GPR107: variants seen among roughly 807,000 people sequenced by gnomAD.
GPR107 encodes protein GPR107.
In GPR107, 31 loss-of-function variants were observed where a neutral mutation model predicts 75.5. The ratio of observed to expected loss-of-function variants is 0.41; its 90% CI spans 0.31 to 0.55. The LOEUF (loss-of-function observed/expected upper bound fraction) is 0.55, where lower values mean the gene tolerates loss of function less well. Among genes scored for constraint, GPR107 ranks in the 20% least tolerant of loss-of-function variants. The pLI is 0.26. For synonymous variants in GPR107, 267 were observed against 251.3 expected (o/e 1.06, Z -0.59); for missense variants, 572 against 665.7 (o/e 0.86, Z 1.55).
chr9:130,094,683 T>G (rs2132596945), intron 9 of GPR107, among the ~76,000 whole-genome samples: 1 of 151,934 alleles, frequency 6.6e-6, no homozygotes, highest in South Asian at 2.1e-4. Context: ...TTGTTTTTGT[T>G]TTTTTTTGTT....
At chr9:130,079,055 T>C (rs1274545757) in intron 4 of GPR107, among the ~76,000 whole-genome samples, 2 of 152,132 alleles carry the variant, frequency 1.3e-5, no homozygotes, top group African/African-American at 4.8e-5. Flanking sequence ...ACCTCCCAGG[T>C]TCAAGCGATT....
intron 16 of GPR107, among the ~76,000 whole-genome samples, chr9:130,128,250 A>T (rs1831732834): frequency 6.6e-6 from 1 of 152,138 alleles, no homozygotes; most frequent in South Asian, 2.1e-4. Flanking sequence ...TGCCCATTTT[A>T]TTATTTCGAT....
intron 14 of GPR107, among the ~76,000 whole-genome samples, chr9:130,109,317 C>G (rs186278224): frequency 6.6e-6 from 1 of 152,012 alleles, no homozygotes; most frequent in East Asian, 1.9e-4. Flanking sequence ...ATTACAGGTG[C>G]CTGCTACCAC....
chr9:130,138,431 C>T lies in GPR107; in HGVS notation c.*3310C>T, dbSNP rs1345991149. ...CCTCCCTCTTCTCTCCTCCTCTGCC[C>T]TCGCCCTTCCCCCTTCCCCATCCCC... is the stretch of plus-strand genomic sequence containing the variant. On this transcript the variant is annotated 3_prime_UTR_variant, in exon 18 of 18. Transcript: ENST00000347136. 2 of 149,432 alleles carry T rather than the reference C, an allele frequency of 1.3e-5. No individual in the cohort carries two copies. Among genetic ancestry groups the T allele is most frequent in the Non-Finnish European group, 3.0e-5 (2 of 67,362 alleles). The allele number at this position is 149,432 out of a possible 1,614,324, so 9.3% of individuals were successfully genotyped here.
At position 130,080,923 on chromosome 9, in the gene GPR107, T is replaced by C. The variant is rs568874086; in HGVS notation, c.526+1154T>C. 3.3e-5 allele frequency among the ~76,000 whole-genome samples: 5 copies of C among 151,796 alleles called. No individual in the cohort carries two copies. In the East Asian group the frequency reaches 9.8e-4, roughly 30 times the overall value. On this transcript the variant is annotated intron_variant, in intron 5 of 17. Coordinates refer to ENST00000347136, the MANE Select transcript of GPR107 (RefSeq NM_020960.5). Reference sequence around the variant, plus strand: ...ATTCATGTGAGTTCTTTAAAGATAATTTATGGCCAGGTGCAGTGGCTCACG... The same window carrying C: ...ATTCATGTGAGTTCTTTAAAGATAACTTATGGCCAGGTGCAGTGGCTCACG...
At chr9:130,078,716 C>G (rs1308162270) in intron 4 of GPR107, among the ~76,000 whole-genome samples, 2 of 152,200 alleles carry the variant, frequency 1.3e-5, no homozygotes, top group East Asian at 3.9e-4. Context: ...CAAGGTGGCT[C>G]TGCTCCATCA....
intron 13 of GPR107, among the ~76,000 whole-genome samples, chr9:130,105,453 C>G (rs886805708): frequency 6.6e-6 from 1 of 152,022 alleles, no homozygotes; most frequent in Non-Finnish European, 1.5e-5. Context: ...GACAGGGTTT[C>G]GCCATTTTGG....
At chr9:130,106,368 G>C (rs1351135847) in intron 13 of GPR107, among the ~76,000 whole-genome samples, 1 of 152,046 alleles carries the variant, frequency 6.6e-6, no homozygotes, top group East Asian at 1.9e-4. Flanking sequence ...GGAGGCTGAG[G>C]TGGGCGGATC....
chr9:130,091,135 T>G (rs995953317), intron 8 of GPR107, 152 bp downstream of exon 8: 1 of 606,430 alleles, frequency 1.6e-6, no homozygotes, highest in African/African-American at 1.9e-5. Flanking sequence ...CAGCAGAGGA[T>G]TCATAGGAAA....
intron 1 of GPR107, 46 bp downstream of exon 1, chr9:130,054,119 T>TA (rs1564653927): frequency 2.0e-6 from 3 of 1,487,204 alleles, no homozygotes; most frequent in Non-Finnish European, 2.7e-6. Flanking sequence ...CCGAGGCCAC[T>TA]CCCCGGGTTT....
intron 1 of GPR107, among the ~76,000 whole-genome samples, chr9:130,057,876 G>T (rs1829833158): frequency 6.6e-6 from 1 of 150,862 alleles, no homozygotes; most frequent in African/African-American, 2.4e-5. Flanking sequence ...TGGCACCCAG[G>T]CTGGAAAGCA....
At chr9:130,083,536 C>G (rs779616413) in intron 5 of GPR107, 29 bp from the exon 6 acceptor site, 1 of 1,456,920 alleles carries the variant, frequency 6.9e-7, no homozygotes, top group African/African-American at 1.5e-5. Context: ...AGTCATGCAG[C>G]ACTCTCTTTT....
intron 14 of GPR107, among the ~76,000 whole-genome samples, chr9:130,120,546 G>C (rs1000324123): frequency 1.3e-5 from 2 of 152,200 alleles, no homozygotes; most frequent in African/African-American, 2.4e-5. Context: ...TCTCTCTGCT[G>C]TCTTCAACTT....
At chr9:130,094,985 T>C (rs1346464264) in intron 9 of GPR107, among the ~76,000 whole-genome samples, 1 of 151,126 alleles carries the variant, frequency 6.6e-6, no homozygotes, top group Non-Finnish European at 1.5e-5. Flanking sequence ...CCGGCCTCTG[T>C]TGTTTTTTTT....
In GPR107 at chr9:130,112,035, G is replaced by A. The variant is rs910270914; in HGVS notation, c.1306+4496G>A. Among the ~76,000 whole-genome samples, 9 of 152,122 alleles carry A rather than the reference G, an allele frequency of 5.9e-5. No individual in the cohort carries two copies. The highest frequency in any genetic ancestry group is 2.2e-4 in the African/African-American group (9 of 41,416). On this transcript the variant is annotated intron_variant, in intron 14 of 17. Coordinates refer to ENST00000347136, the MANE Select transcript of GPR107 (RefSeq NM_020960.5). This position sits in a 1 kb window ranked among gnomAD's most constrained non-coding sequence, Gnocchi z 4.0. ...TCTGACTGCCCTTGAGCCCGCATCC[G>A]CGTTCCCTTCTCTTTCTCCAGTGTC...
chr9:130,062,441 AATAATAATAAT>A (rs1290942715), intron 1 of GPR107, among the ~76,000 whole-genome samples: 44 of 148,868 alleles, frequency 3.0e-4, no homozygotes, highest in Non-Finnish European at 4.9e-4. Flanking sequence ...TAATAATAAT[AATAATAATAAT>A]AATAATAGCA....
At chr9:130,110,534 T>C (rs942091083) in intron 14 of GPR107, 38 of 689,748 alleles carry the variant, frequency 5.5e-5, no homozygotes, top group Admixed American at 2.7e-4. Context: ...CAGAGCAGAT[T>C]AGAACGGGAT....
intron 14 of GPR107, among the ~76,000 whole-genome samples, chr9:130,121,094 T>C (rs1291895461): frequency 6.6e-6 from 1 of 152,048 alleles, no homozygotes; most frequent in African/African-American, 2.4e-5. Context: ...CTGTTTGAGA[T>C]CATGTAAGCC....
intron 3 of GPR107, 123 bp from the exon 4 acceptor site, chr9:130,077,176 A>T (rs1830371442): frequency 1.5e-6 from 1 of 658,394 alleles, no homozygotes; most frequent in Admixed American, 2.2e-5. Context: ...GTGAGCCACC[A>T]CGCCCACCGG....
Sources: allele counts gnomAD v4.1 joint callset (sites outside exome capture counted in the v4.1 genomes callset), GRCh38; gene constraint gnomAD v4.1.1; non-coding constraint Gnocchi (gnomAD v3.1); transcripts MANE v1.5; gene names NCBI Gene and HGNC (gene_info 2026-07-23, HGNC 2026-07-21).